DENND1A: variants seen among roughly 807,000 people sequenced by gnomAD.
The protein encoded by DENND1A is DENN domain-containing protein 1A.
In DENND1A, 51 loss-of-function variants were observed where a neutral mutation model predicts 113.7. The ratio of observed to expected loss-of-function variants is 0.45; its 90% confidence interval spans 0.36 to 0.57. The LOEUF (loss-of-function observed/expected upper bound fraction) is 0.57, where lower values mean the gene tolerates loss of function less well. DENND1A is among the 20% of genes least tolerant of loss of function. DENND1A has a pLI of 0.00. For missense variants in DENND1A, 1,258 were observed against 1,395.9 expected (o/e 0.90, Z 1.57); for synonymous variants, 565 against 570.8 (o/e 0.99, Z 0.14).
intron 19 of DENND1A, among the ~76,000 whole-genome samples, chr9:123,424,444 C>T (rs55837457): frequency 0.02 from 3,033 of 152,276 alleles, 49 homozygotes; most frequent in Non-Finnish European, 0.031. Flanking sequence ...CTCATCTTTA[C>T]CCCCAGAAGC....
intron 2 of DENND1A, chr9:123,843,002 C>T (rs1350898657): frequency 9.3e-6 from 4 of 430,766 alleles, no homozygotes; most frequent in Non-Finnish European, 1.8e-5. Flanking sequence ...AGTCCCTTCC[C>T]CAAGCGAGAG....
In DENND1A at chr9:123,381,429, G is replaced by A. The variant is rs764890114; in HGVS notation, c.*3C>T. On this transcript the variant is annotated 3_prime_UTR_variant, in exon 24 of 24. Transcript: ENST00000394215. This position sits in a 1 kb window ranked among gnomAD's most constrained non-coding sequence, Gnocchi z 4.7. ...GGTGCATCCCCCACCCTCAGGGCCC[G>A]GCTCACTCGAAGGTCTCCCACTGCT... is the stretch of plus-strand genomic sequence containing the variant. 8.7e-6 allele frequency: 14 copies of A among 1,612,596 alleles called. No homozygotes were observed. Among genetic ancestry groups the A allele is most frequent in the South Asian group, 5.5e-5 (5 of 91,044 alleles).
chr9:123,729,606 G>A (rs369719610), intron 5 of DENND1A, among the ~76,000 whole-genome samples: 1 of 152,100 alleles, frequency 6.6e-6, no homozygotes, highest in South Asian at 2.1e-4. Flanking sequence ...AAGGAAATAA[G>A]AGAGGACACA....
At chr9:123,571,537 T>C (rs943566397) in intron 12 of DENND1A, among the ~76,000 whole-genome samples, 2 of 152,256 alleles carry the variant, frequency 1.3e-5, no homozygotes, top group Non-Finnish European at 2.9e-5. Flanking sequence ...TCTTCTATTT[T>C]TACATACATG....
intron 5 of DENND1A, among the ~76,000 whole-genome samples, chr9:123,719,691 T>C (rs1327786764): frequency 6.6e-6 from 1 of 152,192 alleles, no homozygotes; most frequent in Admixed American, 6.5e-5. Context: ...ATCCTGAGGA[T>C]GGGACCCAAG....
intron 8 of DENND1A, among the ~76,000 whole-genome samples, chr9:123,653,356 C>G (rs1295017063): frequency 1.3e-5 from 2 of 152,190 alleles, no homozygotes; most frequent in Non-Finnish European, 2.9e-5. Context: ...TCACAAAAAT[C>G]CAGTGAGGCG....
chr9:123,674,146 G>A (rs1048697694), intron 6 of DENND1A, among the ~76,000 whole-genome samples: 4 of 151,978 alleles, frequency 2.6e-5, no homozygotes, highest in East Asian at 1.9e-4. Context: ...CTCAGGCTCC[G>A]ACACCCTGAG....
At chr9:123,545,412 C>T (rs569646492) in intron 13 of DENND1A, among the ~76,000 whole-genome samples, 1 of 152,134 alleles carries the variant, frequency 6.6e-6, no homozygotes, top group African/African-American at 2.4e-5. Flanking sequence ...CAGAACAAAT[C>T]CACCATCCCT....
chr9:123,876,499 G>T (rs1215483780), intron 2 of DENND1A, among the ~76,000 whole-genome samples: 2 of 152,088 alleles, frequency 1.3e-5, no homozygotes, highest in Non-Finnish European at 2.9e-5. Flanking sequence ...GGGGTGAAGG[G>T]TCATAATGTC....
chr9:123,680,738 T>C (rs1027417244), intron 5 of DENND1A, among the ~76,000 whole-genome samples: 6 of 152,256 alleles, frequency 3.9e-5, no homozygotes, highest in Admixed American at 2.0e-4. Context: ...GGGATTCCAC[T>C]TCTTTAAGTA....
chr9:123,647,459 C>G (rs762563211), intron 9 of DENND1A, among the ~76,000 whole-genome samples: 1 of 152,194 alleles, frequency 6.6e-6, no homozygotes, highest in Non-Finnish European at 1.5e-5. Context: ...GTGTTAGTTC[C>G]TCACCTGGCT....
chr9:123,757,708 G>A lies in DENND1A; in HGVS notation c.297C>T (p.Ile99=). ...LSSGAKSCFC[I]LSYLPWFEVF... is the part of the protein sequence containing the mutation. ...GCCCAAGCCTTCTCCCTTACCTTAA[G>A]ATACAGAAGCAGCTCTTCGCTCCTG... is the stretch of plus-strand genomic sequence containing the variant. The change falls in exon 5 of 24, where the codon ATC becomes ATT. Residue 99 remains isoleucine (I), a synonymous_variant. Coordinates refer to ENST00000394215, the MANE Select transcript of DENND1A (RefSeq NM_001352964.2). The A allele has an allele frequency of 1.2e-6, 2 of 1,613,878 alleles. No individual in the cohort carries two copies. Among genetic ancestry groups the A allele is most frequent in the East Asian group, 2.2e-5 (1 of 44,842 alleles).
intron 11 of DENND1A, among the ~76,000 whole-genome samples, chr9:123,606,038 C>G (rs1034081263): frequency 6.6e-6 from 1 of 152,176 alleles, no homozygotes; most frequent in South Asian, 2.1e-4. Context: ...CTTCCGTAAA[C>G]GGCTTTCCTT....
intron 10 of DENND1A, among the ~76,000 whole-genome samples, chr9:123,627,213 A>G (rs1274311787): frequency 1.3e-5 from 2 of 152,190 alleles, no homozygotes; most frequent in Admixed American, 1.3e-4. Flanking sequence ...CCAGACAAGG[A>G]GCAGATAAGA....
intron 13 of DENND1A, among the ~76,000 whole-genome samples, chr9:123,520,722 C>T (rs1007367883): frequency 3.3e-5 from 5 of 152,180 alleles, no homozygotes; most frequent in Non-Finnish European, 5.9e-5. Context: ...TTCCAATGCT[C>T]GATAATCAAG....
chr9:123,820,300 G>A (rs1017535418), intron 2 of DENND1A, among the ~76,000 whole-genome samples: 14 of 152,174 alleles, frequency 9.2e-5, no homozygotes, highest in Non-Finnish European at 1.5e-4. Context: ...TTTGAACCAT[G>A]GAATACAGCA....
chr9:123,537,981 A>G (rs894142745), intron 13 of DENND1A, among the ~76,000 whole-genome samples: 1 of 152,250 alleles, frequency 6.6e-6, no homozygotes, highest in African/African-American at 2.4e-5. Flanking sequence ...TAACAGACAG[A>G]GTCCCCTGAA....
At chr9:123,741,183 A>G (rs1194519970) in intron 5 of DENND1A, among the ~76,000 whole-genome samples, 1 of 152,228 alleles carries the variant, frequency 6.6e-6, no homozygotes, top group Non-Finnish European at 1.5e-5. Context: ...ATCATGCCAA[A>G]CCTCAGCAAC....
chr9:123,429,412 C>T (rs2045972564), intron 19 of DENND1A, among the ~76,000 whole-genome samples: 1 of 152,058 alleles, frequency 6.6e-6, no homozygotes, highest in African/African-American at 2.4e-5. Flanking sequence ...CAAAAATTAG[C>T]TGAGTATGGT....
Sources: gnomAD v4.1 joint callset for allele counts (sites outside exome capture counted in the v4.1 genomes callset) on GRCh38, gnomAD v4.1.1 for gene constraint, Gnocchi (gnomAD v3.1) non-coding constraint, MANE v1.5 for transcripts, NCBI Gene and HGNC (gene_info 2026-07-23, HGNC 2026-07-21) for gene names.